Variants in MAN1A1 observed in about 807,000 individuals in gnomAD.
MAN1A1 encodes mannosidase alpha class 1A member 1.
A neutral mutation model predicts 70.8 loss-of-function variants in MAN1A1; 29 were observed. That is an observed-to-expected ratio of 0.41 (90% CI 0.31 to 0.56). The LOEUF is 0.56. Among genes scored for constraint, MAN1A1 ranks in the 20% least tolerant of loss-of-function variants. MAN1A1 has a pLI of 0.29. For synonymous variants in MAN1A1, 349 were observed against 330.1 expected (o/e 1.06, Z -0.62); for missense variants, 747 against 841.3 (o/e 0.89, Z 1.39).
intron 3 of MAN1A1, 43 bp from the exon 4 acceptor site, chr6:119,302,146 A>G: frequency 1.1e-6 from 1 of 925,768 alleles, no homozygotes; most frequent in Non-Finnish European, 1.7e-6. Context: ...CTTTGCCTAG[A>G]TAAAATATAT....
At chr6:119,328,743 G>A (rs1773224207) in intron 2 of MAN1A1, among the ~76,000 whole-genome samples, 1 of 152,136 alleles carries the variant, frequency 6.6e-6, no homozygotes, top group South Asian at 2.1e-4. Context: ...TACGTGTTTA[G>A]ACTTCATCAC....
intron 10 of MAN1A1, 59 bp from the exon 11 acceptor site, chr6:119,188,636 TA>T (rs2114931367): frequency 6.9e-7 from 1 of 1,455,756 alleles, no homozygotes; most frequent in Non-Finnish European, 9.4e-7. Flanking sequence ...TTACAGTCAA[TA>T]ACTTAAATGA....
chr6:119,235,455 G>A (rs532182418), intron 6 of MAN1A1, among the ~76,000 whole-genome samples: 24 of 152,200 alleles, frequency 1.6e-4, no homozygotes, highest in Middle Eastern at 3.4e-3. Context: ...CCAGAGTAAG[G>A]CCCTAACTCT....
At chr6:119,218,929 T>G (rs1217316213) in intron 6 of MAN1A1, among the ~76,000 whole-genome samples, 4 of 152,158 alleles carry the variant, frequency 2.6e-5, no homozygotes, top group African/African-American at 7.2e-5. Context: ...TGTACTTCAA[T>G]GTTTAATATT....
intron 6 of MAN1A1, among the ~76,000 whole-genome samples, chr6:119,205,722 T>G (rs901592452): frequency 2.6e-5 from 4 of 152,258 alleles, no homozygotes; most frequent in African/African-American, 7.2e-5. Context: ...AAGAAAGATG[T>G]GGTAATTCAA....
intron 2 of MAN1A1, among the ~76,000 whole-genome samples, chr6:119,337,209 A>G (rs1184317389): frequency 6.6e-6 from 1 of 152,138 alleles, no homozygotes; most frequent in Non-Finnish European, 1.5e-5. Flanking sequence ...CATTTCCTAT[A>G]TTCATTAGTC....
At position 119,319,968 on chromosome 6, in the gene MAN1A1, A is replaced by G. The variant is rs533543677; in HGVS notation, c.604-12976T>C. ...ATGAATTAAAAGCCAGGAGAACTGC[A>G]GTGGTATCTTCTTTTTTTTTTTAAG... On this transcript the variant is annotated intron_variant, in intron 2 of 12. Transcript: ENST00000368468. Among the ~76,000 whole-genome samples the G allele has an allele frequency of 3.3e-5, 5 of 151,868 alleles. No individual in the cohort carries two copies. The South Asian group carries it at 1.0e-3, about 32-fold the overall frequency.
At chr6:119,257,705 A>T (rs1212799933) in intron 5 of MAN1A1, among the ~76,000 whole-genome samples, 1 of 152,072 alleles carries the variant, frequency 6.6e-6, no homozygotes, top group Admixed American at 6.5e-5. Flanking sequence ...TATGGAAGTT[A>T]AAAAAGGGAG....
chr6:119,246,942 T>C (rs1358954560), intron 6 of MAN1A1, among the ~76,000 whole-genome samples: 1 of 152,126 alleles, frequency 6.6e-6, no homozygotes, highest in South Asian at 2.1e-4. Context: ...TAGAGAACGA[T>C]TAATATCTCA....
At chr6:119,348,384 C>G (rs1287367526) in intron 2 of MAN1A1, 79 bp downstream of exon 2, 1 of 1,370,880 alleles carries the variant, frequency 7.3e-7, no homozygotes, top group East Asian at 2.3e-5. Context: ...TTGTTGCAGT[C>G]TTCAGAGTTT....
rs74890430 is a variant in MAN1A1 at position 119,317,248 on chromosome 6, C to T, written c.604-10256G>A. On this transcript the variant is annotated intron_variant, in intron 2 of 12. Transcript: ENST00000368468. Reference sequence around the variant, plus strand: ...TGGACCTACACTGACACATCATTACCACCCAAAGTCCATGATTTACATTAA... The same window carrying T: ...TGGACCTACACTGACACATCATTACTACCCAAAGTCCATGATTTACATTAA... 5.8e-3 allele frequency among the ~76,000 whole-genome samples: 890 copies of T among 152,224 alleles called. 27 individuals carry two copies. In the East Asian group the frequency reaches 0.09, roughly 15 times the overall value.
Position 119,306,566 on chromosome 6 carries a change from C to A in MAN1A1, c.700+330G>T, listed in dbSNP as rs190365406. Among the ~76,000 whole-genome samples the A allele has an allele frequency of 1.3e-3, 199 of 152,306 alleles. 1 individual carries two copies. Among genetic ancestry groups the A allele is most frequent in the Middle Eastern group, 6.8e-3 (2 of 294 alleles). The stretch of plus-strand genomic sequence containing the variant: ...AACAGGAAGCAGTTAGTGCAGCCCA[C>A]CAAGTGCTTCTATGCTAGGAATCAC... On this transcript the variant is annotated intron_variant, in intron 3 of 12. Coordinates refer to ENST00000368468, the MANE Select transcript of MAN1A1 (RefSeq NM_005907.4).
In MAN1A1 at chr6:119,349,600, T is replaced by A; in HGVS notation, c.-281A>T. 1.0e-6 allele frequency: 1 copy of A among 985,826 alleles called. No homozygotes were observed. The highest frequency in any genetic ancestry group is 1.2e-6 in the Non-Finnish European group (1 of 830,006). The allele number at this position is 985,826 out of a possible 1,614,324, so 61.1% of individuals were successfully genotyped here. A position where few individuals can be genotyped will look rare whatever the true frequency, so the allele number is the denominator to read the frequency against. On this transcript the variant is annotated 5_prime_UTR_variant, in exon 1 of 13. An upstream start codon of the reference 5' UTR is lost. Transcript: ENST00000368468. ...ACTCGTCAACTTCGCCCGCTCCCCA[T>A]CTCCGCGCTGAGACTGCTGCCTCTT...
chr6:119,326,566 G>A (rs775791000), intron 2 of MAN1A1, among the ~76,000 whole-genome samples: 3 of 152,172 alleles, frequency 2.0e-5, no homozygotes, highest in Non-Finnish European at 4.4e-5. Context: ...TTTTCACACT[G>A]TTATAAACAA....
intron 5 of MAN1A1, among the ~76,000 whole-genome samples, chr6:119,251,508 A>T (rs1401994542): frequency 3.9e-5 from 6 of 152,190 alleles, no homozygotes; most frequent in Non-Finnish European, 7.3e-5. Flanking sequence ...GGCCAAAGTC[A>T]AGTCCAGGCC....
intron 6 of MAN1A1, among the ~76,000 whole-genome samples, chr6:119,223,694 A>G (rs965361214): frequency 3.8e-4 from 58 of 152,250 alleles, no homozygotes; most frequent in African/African-American, 1.4e-3. Flanking sequence ...TATTTAGGAG[A>G]TCTGATATTA....
intron 5 of MAN1A1, among the ~76,000 whole-genome samples, chr6:119,287,070 T>G (rs1776394823): frequency 6.6e-6 from 1 of 152,088 alleles, no homozygotes; most frequent in African/African-American, 2.4e-5. Flanking sequence ...TCCTTTTTCA[T>G]TCTCCAAGAT....
intron 6 of MAN1A1, among the ~76,000 whole-genome samples, chr6:119,223,518 C>T (rs977684381): frequency 3.3e-5 from 5 of 152,068 alleles, no homozygotes; most frequent in African/African-American, 1.2e-4. Flanking sequence ...TACTTACTAA[C>T]TGAATTCATT....
At position 119,193,311 on chromosome 6, in the gene MAN1A1, G is replaced by A. The variant is rs1414933124; in HGVS notation, c.1326+466C>T. 2.6e-5 allele frequency among the ~76,000 whole-genome samples: 4 copies of A among 152,260 alleles called. No homozygotes were observed. The East Asian group carries it at 5.8e-4, about 22-fold the overall frequency. Reference sequence around the variant, plus strand: ...TTTGATACTATTAATGATCTTCCCTGAAATATGAGTTTGTTCAGATTTTTA... The same window carrying A: ...TTTGATACTATTAATGATCTTCCCTAAAATATGAGTTTGTTCAGATTTTTA... On this transcript the variant is annotated intron_variant, in intron 9 of 12. Transcript: ENST00000368468.
Sources: gnomAD v4.1 joint callset for allele counts (sites outside exome capture counted in the v4.1 genomes callset) on GRCh38, gnomAD v4.1.1 for gene constraint, MANE v1.5 for transcripts, NCBI Gene and HGNC (gene_info 2026-07-23, HGNC 2026-07-21) for gene names.